The following BMPR1B variants were observed in gnomAD, a reference collection of about 807,000 sequenced individuals.
BMPR1B encodes the protein bone morphogenetic protein receptor type-1B.
A neutral mutation model predicts 59.1 loss-of-function variants in BMPR1B; 12 were observed. That is an observed-to-expected ratio of 0.20 (90% CI 0.13 to 0.33). BMPR1B has a LOEUF of 0.33. Ranked by LOEUF, BMPR1B falls within the 10% of genes least tolerant of loss-of-function variation. BMPR1B has a pLI of 1.00. For synonymous variants in BMPR1B, 237 were observed against 207.3 expected (o/e 1.14, Z -1.23); for missense variants, 550 against 610.9 (o/e 0.90, Z 1.05).
rs192226215 is a variant in BMPR1B, at chr4:95,020,447, T to G, written c.-18+24313T>G. Among the ~76,000 whole-genome samples, 37 of 152,084 alleles carry G rather than the reference T, an allele frequency of 2.4e-4. No individual in the cohort carries two copies. The East Asian group carries it at 6.6e-3, about 27-fold the overall frequency. ...ACAAAAAATTAGCTGGGCGTGGTGG[T>G]ACATGCCTGTAGTCCCAAGTACTCA... On this transcript the variant is annotated intron_variant, in intron 3 of 12. Coordinates refer to ENST00000515059, the MANE Select transcript of BMPR1B (RefSeq NM_001203.3).
chr4:94,810,497 C>G (rs192608527), intron 1 of BMPR1B, among the ~76,000 whole-genome samples: 1 of 152,144 alleles, frequency 6.6e-6, no homozygotes, highest in South Asian at 2.1e-4. Context: ...TGGAAACTTA[C>G]AGTAACTTGT....
At chr4:94,804,845 ACT>A (rs1226258414) in intron 1 of BMPR1B, among the ~76,000 whole-genome samples, 5 of 151,764 alleles carry the variant, frequency 3.3e-5, no homozygotes, top group African/African-American at 9.7e-5. Context: ...TAAATGTGAG[ACT>A]CTGAAATGTT....
intron 3 of BMPR1B, chr4:95,051,813 T>A: frequency 1.3e-6 from 2 of 1,519,838 alleles, no homozygotes; most frequent in East Asian, 2.5e-5. Flanking sequence ...CTGATGGGGC[T>A]GAGTTAGAGT....
At chr4:94,782,124 A>G (rs1183605331) in intron 1 of BMPR1B, among the ~76,000 whole-genome samples, 3 of 150,916 alleles carry the variant, frequency 2.0e-5, no homozygotes, top group Admixed American at 6.6e-5. Flanking sequence ...GCCCCCTTAC[A>G]TATATATGTG....
At chr4:94,893,822 C>T (rs1015537156) in intron 2 of BMPR1B, among the ~76,000 whole-genome samples, 11 of 151,906 alleles carry the variant, frequency 7.2e-5, no homozygotes, top group African/African-American at 2.4e-4. Flanking sequence ...GGAGAGAACC[C>T]ACTGCTGCGT....
intron 1 of BMPR1B, among the ~76,000 whole-genome samples, chr4:94,863,289 A>G (rs1342636154): frequency 6.6e-6 from 1 of 152,130 alleles, no homozygotes; most frequent in Non-Finnish European, 1.5e-5. Context: ...CACACAATTT[A>G]TCTATAGAAC....
intron 1 of BMPR1B, among the ~76,000 whole-genome samples, chr4:94,800,234 A>G (rs1439028285): frequency 1.3e-5 from 2 of 152,196 alleles, no homozygotes; most frequent in Non-Finnish European, 2.9e-5. Context: ...TTACAAATAC[A>G]TAAGTCAAGA....
chr4:94,824,363 A>G (rs183924711), intron 1 of BMPR1B, among the ~76,000 whole-genome samples: 415 of 152,268 alleles, frequency 2.7e-3, no homozygotes, highest in Non-Finnish European at 4.6e-3. Context: ...CACTTATTAT[A>G]TGGTTCTTGT....
chr4:95,138,710 G>A (rs1733991128), intron 10 of BMPR1B, among the ~76,000 whole-genome samples: 1 of 152,150 alleles, frequency 6.6e-6, no homozygotes, highest in East Asian at 1.9e-4. Context: ...GACTACTGAA[G>A]CTTGTGCATG....
chr4:94,892,042 C>G lies in BMPR1B; in HGVS notation c.-113+16142C>G, dbSNP rs148003166. Among the ~76,000 whole-genome samples the G allele has an allele frequency of 8.9e-3, 1,357 of 152,068 alleles. 15 individuals are homozygous for G. The highest frequency in any genetic ancestry group is 0.014 in the Non-Finnish European group (938 of 67,942). On this transcript the variant is annotated intron_variant, in intron 2 of 12. Coordinates refer to ENST00000515059, the MANE Select transcript of BMPR1B (RefSeq NM_001203.3). Reference sequence around the variant, plus strand: ...ACTTGCAAACTTCATTAAGAGTGGTCCTTTTCAAAAAAACTCATGTCTCAT... The same window carrying G: ...ACTTGCAAACTTCATTAAGAGTGGTGCTTTTCAAAAAAACTCATGTCTCAT...
intron 1 of BMPR1B, among the ~76,000 whole-genome samples, chr4:94,790,779 TGAAAA>T (rs1388797390): frequency 6.6e-6 from 1 of 152,210 alleles, no homozygotes; most frequent in Non-Finnish European, 1.5e-5. Context: ...AACTTTTAAA[TGAAAA>T]GACAACACAC....
intron 3 of BMPR1B, among the ~76,000 whole-genome samples, chr4:95,087,882 G>T (rs1390003776): frequency 2.6e-5 from 4 of 152,122 alleles, no homozygotes; most frequent in Non-Finnish European, 5.9e-5. Context: ...TTGGCTCAGT[G>T]CCAGTAGTAC....
chr4:94,846,329 A>G (rs1338882566), intron 1 of BMPR1B, among the ~76,000 whole-genome samples: 2 of 152,170 alleles, frequency 1.3e-5, no homozygotes, highest in Non-Finnish European at 2.9e-5. Context: ...CTGAGGGTCA[A>G]CTTGATTGGA....
chr4:94,885,729 G>T (rs1727147777), intron 2 of BMPR1B, among the ~76,000 whole-genome samples: 1 of 152,064 alleles, frequency 6.6e-6, no homozygotes, highest in South Asian at 2.1e-4. Context: ...GTAATCTAAA[G>T]AGCTCAATCT....
chr4:95,049,363 C>G (rs1726269183), intron 3 of BMPR1B, among the ~76,000 whole-genome samples: 1 of 147,064 alleles, frequency 6.8e-6, no homozygotes, highest in Non-Finnish European at 1.5e-5. Context: ...ATCCTCCTGC[C>G]TCAGCCTGCC....
intron 1 of BMPR1B, among the ~76,000 whole-genome samples, chr4:94,835,892 A>G (rs1724791853): frequency 8.3e-6 from 1 of 120,532 alleles, no homozygotes; most frequent in Non-Finnish European, 1.7e-5. Context: ...TATATCTCCC[A>G]ATGCTATCCC....
chr4:94,909,383 A>C lies in BMPR1B; in HGVS notation c.-113+33483A>C, dbSNP rs1340728108. ...GGAAAAGCAAGAGTATGAAACCTGGAAAAACAATTGCCAGACTCTGCTGCT... is the reference window on the plus strand; with the variant it reads ...GGAAAAGCAAGAGTATGAAACCTGGCAAAACAATTGCCAGACTCTGCTGCT... On this transcript the variant is annotated intron_variant, in intron 2 of 12. Coordinates refer to ENST00000515059, the MANE Select transcript of BMPR1B (RefSeq NM_001203.3). 3.3e-5 allele frequency among the ~76,000 whole-genome samples: 5 copies of C among 152,124 alleles called. No individual in the cohort carries two copies. In the East Asian group the frequency reaches 9.7e-4, roughly 30 times the overall value.
intron 3 of BMPR1B, among the ~76,000 whole-genome samples, chr4:95,022,445 A>G (rs1243620380): frequency 6.6e-6 from 1 of 152,184 alleles, no homozygotes; most frequent in Non-Finnish European, 1.5e-5. Flanking sequence ...GATAGTAGAA[A>G]TCATTTATAA....
intron 2 of BMPR1B, among the ~76,000 whole-genome samples, chr4:94,987,478 G>A (rs1721490773): frequency 6.6e-6 from 1 of 151,826 alleles, no homozygotes; most frequent in African/African-American, 2.4e-5. Context: ...AATGAACAGT[G>A]AAAGTCAGTT....
Sources: allele counts gnomAD v4.1 joint callset (sites outside exome capture counted in the v4.1 genomes callset), GRCh38; gene constraint gnomAD v4.1.1; transcripts MANE v1.5; gene names NCBI Gene and HGNC (gene_info 2026-07-23, HGNC 2026-07-21).